The following DNAH7 variants were observed in gnomAD, a reference collection of about 807,000 sequenced individuals.
DNAH7 encodes axonemal beta dynein heavy chain 7.
Under a neutral mutation model 444.6 loss-of-function variants are expected in DNAH7, and 397 were observed. That is an observed-to-expected ratio of 0.89 (90% confidence interval 0.82 to 0.97). The LOEUF (loss-of-function observed/expected upper bound fraction) is 0.97. Ranked by LOEUF, DNAH7 falls within the 50% of genes least tolerant of loss-of-function variation. The probability of loss-of-function intolerance (pLI) is 0.00; values close to 1 mark genes in which losing one functional copy is unlikely to be tolerated. For missense variants in DNAH7, 4,902 were observed against 4,800.8 expected (o/e 1.02, Z -0.62); for synonymous variants, 1,636 against 1,624.4 (o/e 1.01, Z -0.17).
At position 195,818,183 on chromosome 2, in the gene DNAH7, T is replaced by C. The variant is rs544478275; in HGVS notation, c.9292-354A>G. Among the ~76,000 whole-genome samples the C allele has an allele frequency of 2.3e-4, 35 of 152,326 alleles. No homozygotes were observed. In the East Asian group the frequency reaches 6.4e-3, roughly 28 times the overall value. ...CAGTTGATCAGAGCATGGTATAATATATGGTTCAAAGCCTGGCTCTAGAAT... is the reference window on the plus strand; with the variant it reads ...CAGTTGATCAGAGCATGGTATAATACATGGTTCAAAGCCTGGCTCTAGAAT... On this transcript the variant is annotated intron_variant, in intron 49 of 64. Transcript: ENST00000312428.
At chr2:195,824,139 C>T (rs1697599696) in intron 49 of DNAH7, 116 bp downstream of exon 49, 1 of 970,228 alleles carries the variant, frequency 1.0e-6, no homozygotes, top group Non-Finnish European at 1.4e-6. Flanking sequence ...TAGGAAATAC[C>T]AAAATAAGGC....
At position 195,870,667 on chromosome 2, in the gene DNAH7, A is replaced by G. The variant is rs1267712295; in HGVS notation, c.6633+1583T>C. ...GAGCAGAACCCTCATGAATGGAATT[A>G]GTGCCTTTATAAAAGAGGCCAGAGA... On this transcript the variant is annotated intron_variant, in intron 40 of 64. Transcript: ENST00000312428. Among the ~76,000 whole-genome samples, 3 of 152,186 alleles carry G rather than the reference A, an allele frequency of 2.0e-5. No homozygotes were observed. The East Asian group carries it at 5.8e-4, about 29-fold the overall frequency.
At chr2:196,063,238 C>T (rs1172219768) in intron 1 of DNAH7, 1 of 152,156 alleles carries the variant, frequency 6.6e-6, no homozygotes, top group East Asian at 1.9e-4. Context: ...TTCTATTATC[C>T]ACTACGGAAG....
At chr2:196,027,183 T>C (rs1044702799) in intron 6 of DNAH7, among the ~76,000 whole-genome samples, 3 of 152,124 alleles carry the variant, frequency 2.0e-5, no homozygotes, top group African/African-American at 7.2e-5. Flanking sequence ...CAAGTTATAT[T>C]ACCAAATATA....
At chr2:196,022,637 A>T (rs1480511361) in intron 8 of DNAH7, among the ~76,000 whole-genome samples, 1 of 152,184 alleles carries the variant, frequency 6.6e-6, no homozygotes. Flanking sequence ...CTGGCTTCCA[A>T]CACATCTTTC....
intron 53 of DNAH7, 139 bp downstream of exon 53, chr2:195,808,543 G>A (rs537026965): frequency 2.2e-5 from 20 of 913,432 alleles, no homozygotes; most frequent in African/African-American, 1.3e-4. Context: ...TAGAAGGGGG[G>A]ATAACATAAA....
intron 54 of DNAH7, among the ~76,000 whole-genome samples, chr2:195,801,726 A>G (rs769129453): frequency 2.6e-5 from 4 of 152,226 alleles, no homozygotes; most frequent in Non-Finnish European, 5.9e-5. Context: ...TCGATTTTAT[A>G]GTCTATGAAA....
chr2:195,782,006 C>A (rs1240590957), intron 58 of DNAH7, among the ~76,000 whole-genome samples: 1 of 151,260 alleles, frequency 6.6e-6, no homozygotes, highest in Non-Finnish European at 1.5e-5. Context: ...CACACACACA[C>A]ACACACACAC....
chr2:195,798,995 C>A (rs1696315535), intron 55 of DNAH7, among the ~76,000 whole-genome samples: 2 of 152,086 alleles, frequency 1.3e-5, no homozygotes, highest in Admixed American at 6.6e-5. Context: ...TTAAATCAAC[C>A]CAAGTTCATA....
At position 195,845,113 on chromosome 2, in the gene DNAH7, G is replaced by T. The variant is rs1698907712; in HGVS notation, c.8834C>A (p.Ser2945Ter). 1 of 1,613,750 alleles carries T rather than the reference G, an allele frequency of 6.2e-7. No homozygotes were observed. Among genetic ancestry groups the T allele is most frequent in the East Asian group, 2.2e-5 (1 of 44,814 alleles). ...GGTACCCATAAGAGAGCAATCATCT[G>T]AGCAGGGGATATCTCTTCCTTTGCA... The part of the protein sequence containing the change: ...TLCKGRDIPC[S>*]DDCSLMGTLG... Residue 2945 changes from serine (S) to a stop codon, truncating the protein, a stop_gained, in exon 47 of 65, where the codon TCA becomes TAA. Coordinates refer to ENST00000312428, the MANE Select transcript of DNAH7 (RefSeq NM_018897.3). LOFTEE classifies it high-confidence loss of function.
chr2:195,881,336 AG>A (rs1701364918), intron 36 of DNAH7, among the ~76,000 whole-genome samples: 1 of 152,220 alleles, frequency 6.6e-6, no homozygotes, highest in Admixed American at 6.5e-5. Context: ...AAAGCTACTG[AG>A]ACTGCAGCAT....
At chr2:196,033,201 T>C (rs1418390663) in intron 5 of DNAH7, among the ~76,000 whole-genome samples, 1 of 152,212 alleles carries the variant, frequency 6.6e-6, no homozygotes, top group Admixed American at 6.5e-5. Flanking sequence ...GATTTATAGT[T>C]GTATATGATT....
chr2:195,818,684 T>TCCCTG (rs1697330586), intron 49 of DNAH7, among the ~76,000 whole-genome samples: 1 of 152,080 alleles, frequency 6.6e-6, no homozygotes, highest in Admixed American at 6.6e-5. Flanking sequence ...TACAATCTGC[T>TCCCTG]CCCTGCCCTG....
At chr2:196,040,426 A>ATT (rs1232180331) in intron 5 of DNAH7, among the ~76,000 whole-genome samples, 5 of 152,182 alleles carry the variant, frequency 3.3e-5, no homozygotes, top group Non-Finnish European at 5.9e-5. Flanking sequence ...TTCAACATTC[A>ATT]TAAATCAATA....
In DNAH7 at chr2:195,867,947, G is replaced by A. The variant is rs556937208; in HGVS notation, c.6634-2926C>T. On this transcript the variant is annotated intron_variant, in intron 40 of 64. Transcript: ENST00000312428. ...AGTTCTTCTGGGTCCACAGTTAGGA[G>A]TGGAACTGCTAGGTCATATGGTAAC... Among the ~76,000 whole-genome samples the A allele has an allele frequency of 1.4e-3, 219 of 152,210 alleles. 1 individual carries two copies. The highest frequency in any genetic ancestry group is 4.7e-3 in the African/African-American group (197 of 41,532).
At chr2:196,050,754 A>G (rs1697415104) in intron 3 of DNAH7, among the ~76,000 whole-genome samples, 1 of 152,202 alleles carries the variant, frequency 6.6e-6, no homozygotes, top group Non-Finnish European at 1.5e-5. Context: ...AATCTAAGAA[A>G]TATTTTGTAG....
At chr2:195,743,036 G>C (rs1382594696) in intron 63 of DNAH7, among the ~76,000 whole-genome samples, 5 of 152,208 alleles carry the variant, frequency 3.3e-5, no homozygotes, top group Non-Finnish European at 7.3e-5. Flanking sequence ...CTAGAATAAA[G>C]CAGGCAGAAG....
At chr2:195,931,058 T>C (rs1259018452) in intron 21 of DNAH7, among the ~76,000 whole-genome samples, 2 of 151,956 alleles carry the variant, frequency 1.3e-5, no homozygotes, top group Non-Finnish European at 2.9e-5. Flanking sequence ...GGGGTCAAGG[T>C]TGATATACTA....
At chr2:195,986,870 T>A (rs1298977261) in intron 14 of DNAH7, among the ~76,000 whole-genome samples, 196 bp downstream of exon 14, 1 of 152,136 alleles carries the variant, frequency 6.6e-6, no homozygotes, top group African/African-American at 2.4e-5. Context: ...GAGGCACATT[T>A]GTGGTGAAAA....
Sources: gnomAD v4.1 joint callset for allele counts (sites outside exome capture counted in the v4.1 genomes callset) on GRCh38, gnomAD v4.1.1 for gene constraint, MANE v1.5 for transcripts, NCBI Gene and HGNC (gene_info 2026-07-23, HGNC 2026-07-21) for gene names.